Variants in DECR1 observed in about 807,000 individuals in gnomAD.
The protein encoded by DECR1 is 2,4-dienoyl-CoA reductase 1, also known as 2,4-dienoyl-CoA reductase [(3E)-enoyl-CoA-producing], mitochondrial.
Under a neutral mutation model 38.8 loss-of-function variants are expected in DECR1, and 44 were observed. That is an observed-to-expected ratio of 1.13 (90% CI 0.89 to 1.46). DECR1 has a LOEUF of 1.46. Ranked by LOEUF, DECR1 falls within the 40% of genes most tolerant of loss-of-function variation. The pLI, the probability that DECR1 is intolerant of heterozygous loss-of-function variation, is 0.00. For synonymous variants in DECR1, 148 were observed against 135.2 expected (o/e 1.09, Z -0.66); for missense variants, 428 against 405.5 (o/e 1.06, Z -0.48).
chr8:90,037,040 T>A, intron 6 of DECR1, 100 bp downstream of exon 6: 1 of 791,708 alleles, frequency 1.3e-6, no homozygotes, highest in Non-Finnish European at 2.1e-6. Flanking sequence ...CAGAGAAAAG[T>A]AAACAAAGAC....
chr8:90,027,689 C>A (rs1002363790), intron 5 of DECR1, among the ~76,000 whole-genome samples: 2 of 151,540 alleles, frequency 1.3e-5, no homozygotes, highest in Non-Finnish European at 2.9e-5. Context: ...CAGTCTGTGT[C>A]TTTTAATTGG....
chr8:90,051,820 A>C lies in DECR1; in HGVS notation c.949-18A>C. Reference sequence around the variant, plus strand: ...AACATGTAAAAAGGACATTAAATTGACATCTTTTTTGTGTTAGGTCACCAA... The same window carrying C: ...AACATGTAAAAAGGACATTAAATTGCCATCTTTTTTGTGTTAGGTCACCAA... On this transcript the variant is annotated intron_variant, in intron 9 of 9. Transcript: ENST00000220764. The C allele has an allele frequency of 1.2e-6, 2 of 1,613,664 alleles. No individual in the cohort carries two copies. The highest frequency in any genetic ancestry group is 2.2e-5 in the South Asian group (2 of 91,048).
chr8:90,002,213 G>C (rs1185588641), intron 1 of DECR1, among the ~76,000 whole-genome samples: 4 of 152,194 alleles, frequency 2.6e-5, no homozygotes, highest in Admixed American at 2.0e-4. Flanking sequence ...CAGGCCGAGC[G>C]AGCACTGACC....
At chr8:90,005,385 T>A in intron 1 of DECR1, 1 of 456,274 alleles carries the variant, frequency 2.2e-6, no homozygotes, top group Non-Finnish European at 4.4e-6. Flanking sequence ...ATGTGCCGCA[T>A]GTTAGGTTGG....
In DECR1 at chr8:90,047,034, A is replaced by AGTTC. The variant is rs1328112913; in HGVS notation, c.885+2039_885+2040insGTTC. On this transcript the variant is annotated intron_variant, in intron 8 of 9. Coordinates refer to ENST00000220764, the MANE Select transcript of DECR1 (RefSeq NM_001359.2). ...CCTTACAAGAACTCCTGAAGGAAGCACTAAACATGGAAAGGAACAACCGGT... is the reference window on the plus strand; with the variant it reads ...CCTTACAAGAACTCCTGAAGGAAGCAGTTCCTAAACATGGAAAGGAACAACCGGT... 6.6e-5 allele frequency among the ~76,000 whole-genome samples: 10 copies of AGTTC among 152,344 alleles called. 1 individual carries two copies. The South Asian group carries it at 2.1e-3, about 32-fold the overall frequency.
chr8:90,041,261 A>G lies in DECR1; in HGVS notation c.666-1467A>G, dbSNP rs117500771. On this transcript the variant is annotated intron_variant, in intron 6 of 9. Coordinates refer to ENST00000220764, the MANE Select transcript of DECR1 (RefSeq NM_001359.2). The stretch of plus-strand genomic sequence containing the variant: ...TTTTTTCATAGTTTGCTGGCTGCGT[A>G]AATGTCTTCTTTTGAGAAGCGTCTG... Among the ~76,000 whole-genome samples the G allele has an allele frequency of 5.2e-3, 798 of 152,102 alleles. 13 individuals are homozygous for G. Among genetic ancestry groups the G allele is most frequent in the Admixed American group, 0.043 (650 of 15,260 alleles).
At chr8:90,038,712 T>C (rs574017634) in intron 6 of DECR1, among the ~76,000 whole-genome samples, 6 of 152,296 alleles carry the variant, frequency 3.9e-5, no homozygotes, top group Admixed American at 6.5e-5. Flanking sequence ...AAGAGTCTGG[T>C]CCGTAGCTGG....
intron 5 of DECR1, among the ~76,000 whole-genome samples, chr8:90,023,126 T>C (rs1480137014): frequency 3.9e-5 from 6 of 152,216 alleles, no homozygotes; most frequent in Admixed American, 2.6e-4. Context: ...ATATCATGTC[T>C]TCCAGTCTCT....
intron 1 of DECR1, among the ~76,000 whole-genome samples, chr8:90,005,056 G>A (rs1384761532): frequency 6.6e-6 from 1 of 152,170 alleles, no homozygotes; most frequent in Admixed American, 6.5e-5. Context: ...TGTTAAATCA[G>A]GAGTTGGAAT....
rs1813344303 is a variant in DECR1 at position 90,026,525 on chromosome 8, T to C, written c.565+5469T>C. On this transcript the variant is annotated intron_variant, in intron 5 of 9. Transcript: ENST00000220764. The stretch of plus-strand genomic sequence containing the variant: ...TTTATTTGTGTAGAGGTGTTTATAG[T>C]ATTCTCTGATGAGAGTTTGTATTTC... Among the ~76,000 whole-genome samples the C allele has an allele frequency of 2.0e-5, 3 of 152,240 alleles. No individual in the cohort carries two copies. In the South Asian group the frequency reaches 6.2e-4, roughly 31 times the overall value.
chr8:90,051,717 G>T lies in DECR1; in HGVS notation c.926G>T (p.Gly309Val), dbSNP rs749843604. The T allele has an allele frequency of 1.2e-6, 2 of 1,612,830 alleles. No homozygotes were observed. Among genetic ancestry groups the T allele is most frequent in the Admixed American group, 3.3e-5 (2 of 59,950 alleles). ...FDGGEEVLIS[G>V]EFNDLRKVTK... Reference sequence around the variant, plus strand: ...GGTGGAGAGGAAGTACTTATTTCAGGGGAATTCAACGACCTGAGAAAGGTA... The same window carrying T: ...GGTGGAGAGGAAGTACTTATTTCAGTGGAATTCAACGACCTGAGAAAGGTA... Residue 309 changes from glycine (G) to valine (V), a missense_variant, in exon 9 of 10, where the codon GGG (glycine) becomes GTG (valine). Coordinates refer to ENST00000220764, the MANE Select transcript of DECR1 (RefSeq NM_001359.2).
chr8:90,018,312 ACT>A (rs1272415735), intron 2 of DECR1, among the ~76,000 whole-genome samples: 2 of 152,154 alleles, frequency 1.3e-5, no homozygotes, highest in East Asian at 1.9e-4. Flanking sequence ...TACCCTGTAA[ACT>A]CTGTTCCAAA....
At chr8:90,001,694 C>T (rs1446140125) in intron 1 of DECR1, 133 bp downstream of exon 1, 10 of 757,058 alleles carry the variant, frequency 1.3e-5, no homozygotes, top group Middle Eastern at 3.9e-4. Flanking sequence ...CAGGGCGTCC[C>T]GGGGGTTCGG....
chr8:90,012,926 G>A (rs185444466), intron 1 of DECR1, among the ~76,000 whole-genome samples: 1 of 152,340 alleles, frequency 6.6e-6, no homozygotes, highest in Non-Finnish European at 1.5e-5. Context: ...GAAAGCAGGA[G>A]CAAAGGCCAG....
rs185429118 is a variant in DECR1 at position 90,050,274 on chromosome 8, C to A, written c.886-1403C>A. Among the ~76,000 whole-genome samples, 1,012 of 152,258 alleles carry A rather than the reference C, an allele frequency of 6.6e-3. 14 individuals carry two copies. The highest frequency in any genetic ancestry group is 0.023 in the African/African-American group (958 of 41,548). On this transcript the variant is annotated intron_variant, in intron 8 of 9. Transcript: ENST00000220764. The stretch of plus-strand genomic sequence containing the variant: ...AATGGGAGAAAATGTTTACAATCTA[C>A]CCATCTGACAAAGGGCTAATATCCA...
At chr8:90,045,267 T>C (rs1008692424) in intron 8 of DECR1, among the ~76,000 whole-genome samples, 1 of 152,062 alleles carries the variant, frequency 6.6e-6, no homozygotes, top group Non-Finnish European at 1.5e-5. Flanking sequence ...GTTGGGGAAT[T>C]CCCTTTCCTA....
chr8:90,009,484 G>T (rs1047029168), intron 1 of DECR1, among the ~76,000 whole-genome samples: 1 of 148,778 alleles, frequency 6.7e-6, no homozygotes. Context: ...ATCTTGCTGA[G>T]AATAGAATAT....
intron 8 of DECR1, 144 bp from the exon 9 acceptor site, chr8:90,051,533 A>C: frequency 1.6e-6 from 1 of 618,018 alleles, no homozygotes; most frequent in African/African-American, 1.8e-5. Context: ...ATTTAGGTTT[A>C]ATCATGAGTT....
Position 90,042,784 on chromosome 8 carries a change from G to C in DECR1, c.722G>C (p.Gly241Ala). 6.2e-7 allele frequency: 1 copy of C among 1,613,340 alleles called. No homozygotes were observed. Among genetic ancestry groups the C allele is most frequent in the Non-Finnish European group, 8.5e-7 (1 of 1,179,524 alleles). The change falls in exon 7 of 10, where the codon GGG becomes GCG. Residue 241 changes from glycine (G) to alanine (A), a missense_variant. Transcript: ENST00000220764. ...ATGCGATTCAATGTGATTCAACCAG[G>C]GCCTATAAAAACCAAAGTAAGTTGT... is the stretch of plus-strand genomic sequence containing the variant. ...YGMRFNVIQPGPIKTKGAFSR... is the reference protein window; with the variant it reads ...YGMRFNVIQPAPIKTKGAFSR...
Sources: allele counts gnomAD v4.1 joint callset (sites outside exome capture counted in the v4.1 genomes callset), GRCh38; gene constraint gnomAD v4.1.1; transcripts MANE v1.5; gene names NCBI Gene and HGNC (gene_info 2026-07-23, HGNC 2026-07-21).